KRTAP6-3: variants seen among roughly 807,000 people sequenced by gnomAD.
KRTAP6-3 encodes the protein keratin-associated protein 6-3.
For missense variants in KRTAP6-3, 121 were observed against 133.1 expected (o/e 0.91, Z 0.45); for synonymous variants, 62 against 57.5 (o/e 1.08, Z -0.36).
At position 30,592,540 on chromosome 21, in the gene KRTAP6-3, G is replaced by A. The variant is rs1322874203; in HGVS notation, c.95G>A (p.Cys32Tyr). ...TGCTGTGGCTACGGAGGCCTGGGCT[G>A]TGGTTATGGCGGCTGTGGCTATGGG... Residue 32 changes from cysteine (C) to tyrosine (Y), a missense_variant, in exon 1 of 1, where the codon TGT (cysteine) becomes TAT (tyrosine). Cys to Tyr is a radical substitution (Grantham distance 194, BLOSUM62 -2). Transcript: ENST00000391624. The A allele has an allele frequency of 1.2e-6, 2 of 1,613,704 alleles. No homozygotes were observed.
chr21:30,592,907 T>C lies in KRTAP6-3; in HGVS notation c.*129T>C, dbSNP rs1183425990. On this transcript the variant is annotated 3_prime_UTR_variant, in exon 1 of 1. Coordinates refer to ENST00000391624, the MANE Select transcript of KRTAP6-3 (RefSeq NM_181605.4). ...GTGGAAGTCTAATATGATCTGTTGTTGATCTACCATCTAACCCAAAAATAC... is the reference window on the plus strand; with the variant it reads ...GTGGAAGTCTAATATGATCTGTTGTCGATCTACCATCTAACCCAAAAATAC... The C allele has an allele frequency of 9.8e-6, 14 of 1,428,966 alleles. No individual in the cohort carries two copies. The highest frequency in any genetic ancestry group is 1.4e-5 in the African/African-American group (1 of 69,526). 88.5% of individuals were successfully genotyped at this position (1,428,966 alleles called of 1,614,324 possible).
In KRTAP6-3 at chr21:30,592,973, CTGTCACTTCTCCTT is replaced by C; in HGVS notation, c.*197_*210del. 9.0e-7 allele frequency: 1 copy of C among 1,107,922 alleles called. No individual in the cohort carries two copies. 68.6% of individuals were successfully genotyped at this position (1,107,922 alleles called of 1,614,324 possible). The stretch of plus-strand genomic sequence containing the variant: ...TGAAGTGGGATAAGGTGAAGTTCAC[CTGTCACTTCTCCTT>C]TTATCAGGATGATGGTGTCACAGTG... On this transcript the variant is annotated 3_prime_UTR_variant, in exon 1 of 1. Coordinates refer to ENST00000391624, the MANE Select transcript of KRTAP6-3 (RefSeq NM_181605.4).
chr21:30,592,810 T>C lies in KRTAP6-3; in HGVS notation c.*32T>C. On this transcript the variant is annotated 3_prime_UTR_variant, in exon 1 of 1. Transcript: ENST00000391624. ...CATGGGAGACTCTCACCCTCTATCC[T>C]GTGACATTGCAATTCACCAATTCTG... The C allele has an allele frequency of 6.6e-7, 1 of 1,526,464 alleles. No homozygotes were observed. Among genetic ancestry groups the C allele is most frequent in the Non-Finnish European group, 8.8e-7 (1 of 1,134,936 alleles). The allele number at this position is 1,526,464 out of a possible 1,614,324, so 94.6% of individuals were successfully genotyped here. A position where few individuals can be genotyped will look rare whatever the true frequency, so the allele number is the denominator to read the frequency against.
In KRTAP6-3 at chr21:30,592,620, G is replaced by A. The variant is rs1204324434; in HGVS notation, c.175G>A (p.Gly59Arg). Residue 59 changes from glycine (G) to arginine (R), a missense_variant, in exon 1 of 1, where the codon GGA becomes AGA. Gly to Arg is a moderately radical substitution (Grantham distance 125). Transcript: ENST00000391624. The stretch of plus-strand genomic sequence containing the variant: ...CTATGGAGGCCTGGACTGTGGCTAT[G>A]GAGGCCTGGGCTGTGGCTATGGCTC... The A allele has an allele frequency of 6.2e-7, 1 of 1,604,926 alleles. No individual in the cohort carries two copies. The highest frequency in any genetic ancestry group is 1.3e-5 in the African/African-American group (1 of 74,706).
chr21:30,592,822 A>C lies in KRTAP6-3; in HGVS notation c.*44A>C, dbSNP rs751246983. The C allele has an allele frequency of 6.6e-7, 1 of 1,503,868 alleles. No homozygotes were observed. The highest frequency in any genetic ancestry group is 2.3e-5 in the Admixed American group (1 of 43,976). The allele number at this position is 1,503,868 out of a possible 1,614,324, so 93.2% of individuals were successfully genotyped here. ...TCACCCTCTATCCTGTGACATTGCA[A>C]TTCACCAATTCTGAAGCCCACATGC... is the stretch of plus-strand genomic sequence containing the variant. On this transcript the variant is annotated 3_prime_UTR_variant, in exon 1 of 1. Coordinates refer to ENST00000391624, the MANE Select transcript of KRTAP6-3 (RefSeq NM_181605.4).
At position 30,592,504 on chromosome 21, in the gene KRTAP6-3, A is replaced by G. The variant is rs2123584943; in HGVS notation, c.59A>G (p.His20Arg). 3.1e-6 allele frequency: 5 copies of G among 1,613,684 alleles called. No homozygotes were observed. Among genetic ancestry groups the G allele is most frequent in the Non-Finnish European group, 3.4e-6 (4 of 1,179,804 alleles). The change falls in exon 1 of 1, where the codon CAT becomes CGT. Residue 20 changes from histidine (H) to arginine (R), a missense_variant. Coordinates refer to ENST00000391624, the MANE Select transcript of KRTAP6-3 (RefSeq NM_181605.4). The stretch of plus-strand genomic sequence containing the variant: ...TACTACAGAAACTACAATGGTGGCC[A>G]TGGCTATGGGTGCTGTGGCTACGGA...
In KRTAP6-3 at chr21:30,592,645, CCTT is replaced by C. The variant is rs1268606854; in HGVS notation, c.203_205del (p.Phe68del). The C allele has an allele frequency of 1.9e-6, 3 of 1,613,218 alleles. No individual in the cohort carries two copies. The African/African-American group carries it at 4.0e-5, about 22-fold the overall frequency. On this transcript the variant is annotated inframe_deletion, in exon 1 of 1. Transcript: ENST00000391624. ...GGAGGCCTGGGCTGTGGCTATGGCT[CCTT>C]CTGTGGCTGTGGCTACAGAGGCCTG... is the stretch of plus-strand genomic sequence containing the variant.
rs973014906 is a variant in KRTAP6-3, at chr21:30,593,012, G to C, written c.*234G>C. The C allele has an allele frequency of 9.9e-5, 72 of 729,888 alleles. No homozygotes were observed. The African/African-American group carries it at 1.1e-3, about 11-fold the overall frequency. 45.2% of individuals were successfully genotyped at this position (729,888 alleles called of 1,614,324 possible). A position where few individuals can be genotyped will look rare whatever the true frequency, so the allele number is the denominator to read the frequency against. On this transcript the variant is annotated 3_prime_UTR_variant, in exon 1 of 1. Coordinates refer to ENST00000391624, the MANE Select transcript of KRTAP6-3 (RefSeq NM_181605.4). ...TTTATCAGGATGATGGTGTCACAGT[G>C]ACTCCTTTGATGACTTTCATGCTGT...
chr21:30,592,708 C>T lies in KRTAP6-3; in HGVS notation c.263C>T (p.Ser88Phe), dbSNP rs1412169887. ...TATGGCTGTGGCTATGGCTATGTCT[C>T]CCACTCCTTCTGTGGCTGTGGCTAT... The change falls in exon 1 of 1, where the codon TCC becomes TTC. Residue 88 changes from serine to phenylalanine, a missense_variant. Coordinates refer to ENST00000391624, the MANE Select transcript of KRTAP6-3 (RefSeq NM_181605.4). The T allele has an allele frequency of 1.2e-6, 2 of 1,613,068 alleles. No homozygotes were observed. Among genetic ancestry groups the T allele is most frequent in the Non-Finnish European group, 1.7e-6 (2 of 1,179,514 alleles).
Position 30,592,764 on chromosome 21 carries a change from G to C in KRTAP6-3, c.319G>C (p.Gly107Arg). The change falls in exon 1 of 1, where the codon GGC becomes CGC. Residue 107 changes from glycine (G) to arginine (R), a missense_variant. Gly to Arg is a moderately radical substitution (Grantham distance 125). Transcript: ENST00000391624. ...CGGCTCTGGCTATGGCTCCAGCTTT[G>C]GCTACTACTATTGAGGACACCATGG... 2 of 1,602,430 alleles carry C rather than the reference G, an allele frequency of 1.2e-6. No homozygotes were observed. Among genetic ancestry groups the C allele is most frequent in the Non-Finnish European group, 1.7e-6 (2 of 1,174,112 alleles).
chr21:30,592,883 T>G lies in KRTAP6-3; in HGVS notation c.*105T>G. The G allele has an allele frequency of 1.7e-5, 24 of 1,432,592 alleles. No homozygotes were observed. Among genetic ancestry groups the G allele is most frequent in the South Asian group, 3.0e-5 (2 of 66,426 alleles). 88.7% of individuals were successfully genotyped at this position (1,432,592 alleles called of 1,614,324 possible). A position where few individuals can be genotyped will look rare whatever the true frequency, so the allele number is the denominator to read the frequency against. On this transcript the variant is annotated 3_prime_UTR_variant, in exon 1 of 1. Coordinates refer to ENST00000391624, the MANE Select transcript of KRTAP6-3 (RefSeq NM_181605.4). ...TCCCTTGATTGATGATATCCTGCAGTGGAAGTCTAATATGATCTGTTGTTG... is the reference window on the plus strand; with the variant it reads ...TCCCTTGATTGATGATATCCTGCAGGGGAAGTCTAATATGATCTGTTGTTG...
chr21:30,592,475 C>A lies in KRTAP6-3; in HGVS notation c.30C>A (p.Gly10=). 1.9e-6 allele frequency: 3 copies of A among 1,608,174 alleles called. No individual in the cohort carries two copies. The highest frequency in any genetic ancestry group is 2.2e-5 in the East Asian group (1 of 44,822). ...CCTCAACAACCAACACCATGTGTGGCAGCTACTACAGAAACTACAATGGTG... is the reference window on the plus strand; with the variant it reads ...CCTCAACAACCAACACCATGTGTGGAAGCTACTACAGAAACTACAATGGTG... The change falls in exon 1 of 1, where the codon GGC becomes GGA. Residue 10 remains glycine, a synonymous_variant. Transcript: ENST00000391624.
At position 30,593,014 on chromosome 21, in the gene KRTAP6-3, C is replaced by T; in HGVS notation, c.*236C>T. ...TATCAGGATGATGGTGTCACAGTGACTCCTTTGATGACTTTCATGCTGTAG... is the reference window on the plus strand; with the variant it reads ...TATCAGGATGATGGTGTCACAGTGATTCCTTTGATGACTTTCATGCTGTAG... On this transcript the variant is annotated 3_prime_UTR_variant, in exon 1 of 1. Transcript: ENST00000391624. 1.4e-6 allele frequency: 1 copy of T among 714,326 alleles called. No individual in the cohort carries two copies. The highest frequency in any genetic ancestry group is 4.0e-5 in the South Asian group (1 of 25,256). The allele number at this position is 714,326 out of a possible 1,614,324, so 44.2% of individuals were successfully genotyped here. A position where few individuals can be genotyped will look rare whatever the true frequency, so the allele number is the denominator to read the frequency against.
In KRTAP6-3 at chr21:30,592,727, T is replaced by C; in HGVS notation, c.282T>C (p.Cys94=). The change falls in exon 1 of 1, where the codon TGT becomes TGC. Residue 94 remains cysteine (C), a synonymous_variant. Coordinates refer to ENST00000391624, the MANE Select transcript of KRTAP6-3 (RefSeq NM_181605.4). ...ATGTCTCCCACTCCTTCTGTGGCTG[T>C]GGCTATAGGTGCGGCTCTGGCTATG... The C allele has an allele frequency of 6.2e-7, 1 of 1,612,390 alleles. No homozygotes were observed. Among genetic ancestry groups the C allele is most frequent in the Non-Finnish European group, 8.5e-7 (1 of 1,179,148 alleles).
the KRTAP6-3 span, chr21:30,592,517 C>A: frequency 6.2e-7 from 1 of 1,613,998 alleles, no homozygotes; most frequent in Non-Finnish European, 8.5e-7. Context: ...GCTATGGGTG[C>A]TGTGGCTACG....
rs201263767 is a variant in KRTAP6-3, at chr21:30,592,981, TCTC to T, written c.*206_*208del. 1,587 of 1,039,570 alleles carry T rather than the reference TCTC, an allele frequency of 1.5e-3. 29 individuals carry two copies. In the Admixed American group the frequency reaches 0.033, roughly 22 times the overall value. The allele number at this position is 1,039,570 out of a possible 1,614,324, so 64.4% of individuals were successfully genotyped here. ...GATAAGGTGAAGTTCACCTGTCACTTCTCCTTTTATCAGGATGATGGTGTCACA... is the reference window on the plus strand; with the variant it reads ...GATAAGGTGAAGTTCACCTGTCACTTCTTTTATCAGGATGATGGTGTCACA... On this transcript the variant is annotated 3_prime_UTR_variant, in exon 1 of 1. Coordinates refer to ENST00000391624, the MANE Select transcript of KRTAP6-3 (RefSeq NM_181605.4).
Position 30,593,000 on chromosome 21 carries a change from T to C in KRTAP6-3, c.*222T>C. ...GTCACTTCTCCTTTTATCAGGATGATGGTGTCACAGTGACTCCTTTGATGA... is the reference window on the plus strand; with the variant it reads ...GTCACTTCTCCTTTTATCAGGATGACGGTGTCACAGTGACTCCTTTGATGA... On this transcript the variant is annotated 3_prime_UTR_variant, in exon 1 of 1. Transcript: ENST00000391624. 1.1e-6 allele frequency: 1 copy of C among 902,372 alleles called. No homozygotes were observed. The highest frequency in any genetic ancestry group is 1.6e-6 in the Non-Finnish European group (1 of 630,842). The allele number at this position is 902,372 out of a possible 1,614,324, so 55.9% of individuals were successfully genotyped here. A position where few individuals can be genotyped will look rare whatever the true frequency, so the allele number is the denominator to read the frequency against.
At position 30,592,844 on chromosome 21, in the gene KRTAP6-3, A is replaced by G. The variant is rs1295589501; in HGVS notation, c.*66A>G. The G allele has an allele frequency of 2.0e-6, 3 of 1,482,564 alleles. No individual in the cohort carries two copies. The East Asian group carries it at 7.4e-5, about 37-fold the overall frequency. The allele number at this position is 1,482,564 out of a possible 1,614,324, so 91.8% of individuals were successfully genotyped here. A position where few individuals can be genotyped will look rare whatever the true frequency, so the allele number is the denominator to read the frequency against. Reference sequence around the variant, plus strand: ...GCAATTCACCAATTCTGAAGCCCACATGCTCTGAGCCTTTCCCTTGATTGA... The same window carrying G: ...GCAATTCACCAATTCTGAAGCCCACGTGCTCTGAGCCTTTCCCTTGATTGA... On this transcript the variant is annotated 3_prime_UTR_variant, in exon 1 of 1. Transcript: ENST00000391624.
rs199859574 is a variant in KRTAP6-3 at position 30,592,551 on chromosome 21, G to C, written c.106G>C (p.Gly36Arg). 6.2e-7 allele frequency: 1 copy of C among 1,613,018 alleles called. No homozygotes were observed. The highest frequency in any genetic ancestry group is 1.3e-5 in the African/African-American group (1 of 74,758). ...CGGAGGCCTGGGCTGTGGTTATGGC[G>C]GCTGTGGCTATGGGTGCTGTGGCTA... Residue 36 changes from glycine (G) to arginine (R), a missense_variant, in exon 1 of 1, where the codon GGC becomes CGC. Coordinates refer to ENST00000391624, the MANE Select transcript of KRTAP6-3 (RefSeq NM_181605.4).
Sources: allele counts gnomAD v4.1 joint callset, GRCh38; gene constraint gnomAD v4.1.1; transcripts MANE v1.5; gene names NCBI Gene and HGNC (gene_info 2026-07-23, HGNC 2026-07-21).